EPHA5: variants seen among roughly 807,000 people sequenced by gnomAD.
The protein encoded by EPHA5 is ephrin type-A receptor 5.
EPHA5 carries 60 observed loss-of-function variants against 105.0 expected under a neutral mutation model. The observed-to-expected ratio is 0.57, with a 90% CI of 0.46 to 0.71. EPHA5 has a LOEUF of 0.71. Among genes scored for constraint, EPHA5 ranks in the 30% least tolerant of loss-of-function variants. The pLI is 0.00. For missense variants in EPHA5, 1,218 were observed against 1,274.7 expected, an observed-to-expected ratio of 0.96 and a Z score of 0.68; for synonymous variants, 513 against 449.1, an observed-to-expected ratio of 1.14 and a Z score of -1.80.
chr4:65,414,651 G>A (rs868233408), intron 6 of EPHA5, among the ~76,000 whole-genome samples: 1 of 152,130 alleles, frequency 6.6e-6, no homozygotes, highest in Non-Finnish European at 1.5e-5. Context: ...GGTGGTGGGT[G>A]ACATACTGTC....
At chr4:65,343,888 A>G (rs1051941055) in intron 14 of EPHA5, among the ~76,000 whole-genome samples, 4 of 152,166 alleles carry the variant, frequency 2.6e-5, no homozygotes, top group African/African-American at 9.7e-5. Context: ...CTGAAAGGTT[A>G]CATAAGCAAT....
chr4:65,485,114 C>G (rs1054106280), intron 5 of EPHA5, among the ~76,000 whole-genome samples: 2 of 151,554 alleles, frequency 1.3e-5, no homozygotes, highest in Non-Finnish European at 2.9e-5. Flanking sequence ...TAATAATGAA[C>G]ATATCCACTA....
rs1317298542 is a variant in EPHA5 at position 65,429,089 on chromosome 4, G to T, written c.1403-8524C>A. On this transcript the variant is annotated intron_variant, in intron 5 of 16. Transcript: ENST00000613740. Reference sequence around the variant, plus strand: ...ATTTTTAATACACGAAGAGTCCTAAGTGTCAATGATTATTTGATCTTAATA... The same window carrying T: ...ATTTTTAATACACGAAGAGTCCTAATTGTCAATGATTATTTGATCTTAATA... Among the ~76,000 whole-genome samples the T allele has an allele frequency of 5.9e-5, 9 of 152,054 alleles. No individual in the cohort carries two copies. In the East Asian group the frequency reaches 1.7e-3, roughly 29 times the overall value.
intron 5 of EPHA5, among the ~76,000 whole-genome samples, chr4:65,449,573 C>T (rs1726884083): frequency 1.3e-5 from 2 of 152,164 alleles, no homozygotes; most frequent in South Asian, 2.1e-4. Context: ...ATTCATATAA[C>T]AATTATATAG....
chr4:65,479,501 T>C (rs1286822067), intron 5 of EPHA5, among the ~76,000 whole-genome samples: 3 of 152,214 alleles, frequency 2.0e-5, no homozygotes, highest in African/African-American at 7.2e-5. Flanking sequence ...GTACCTTGTA[T>C]AGGGAAATGG....
At chr4:65,386,343 G>A (rs891408664) in intron 8 of EPHA5, among the ~76,000 whole-genome samples, 2 of 151,804 alleles carry the variant, frequency 1.3e-5, no homozygotes, top group Non-Finnish European at 2.9e-5. Flanking sequence ...AATAAGCAAC[G>A]ATGTTCTAGG....
chr4:65,425,143 C>T (rs1273921997), intron 5 of EPHA5, among the ~76,000 whole-genome samples: 1 of 152,082 alleles, frequency 6.6e-6, no homozygotes, highest in African/African-American at 2.4e-5. Context: ...GAAATCTTTT[C>T]AGTCTATGAC....
chr4:65,455,042 G>A (rs1012479776), intron 5 of EPHA5, among the ~76,000 whole-genome samples: 9 of 151,948 alleles, frequency 5.9e-5, no homozygotes, highest in African/African-American at 1.9e-4. Flanking sequence ...TCAGGAGATC[G>A]AGACCATGGT....
rs925672384 is a variant in EPHA5 at position 65,479,613 on chromosome 4, T to A, written c.1402+10764A>T. Among the ~76,000 whole-genome samples the A allele has an allele frequency of 4.6e-5, 7 of 152,282 alleles. No individual in the cohort carries two copies. In the East Asian group the frequency reaches 1.4e-3, roughly 29 times the overall value. On this transcript the variant is annotated intron_variant, in intron 5 of 16. Transcript: ENST00000613740. ...AAACATTGTGTATCCTCAATTAAAATGACTGTATCAGGGCTTTACACTGAA... is the reference window on the plus strand; with the variant it reads ...AAACATTGTGTATCCTCAATTAAAAAGACTGTATCAGGGCTTTACACTGAA...
At chr4:65,607,376 G>A (rs1744334208) in intron 2 of EPHA5, among the ~76,000 whole-genome samples, 1 of 152,004 alleles carries the variant, frequency 6.6e-6, no homozygotes, top group Non-Finnish European at 1.5e-5. Context: ...ACTATCATCG[G>A]AGTGAACAGG....
At chr4:65,482,306 A>T (rs1415827525) in intron 5 of EPHA5, among the ~76,000 whole-genome samples, 1 of 150,906 alleles carries the variant, frequency 6.6e-6, no homozygotes. Context: ...AAAAAAAAAA[A>T]CAACCTGTGA....
At chr4:65,463,951 A>C (rs1728362662) in intron 5 of EPHA5, among the ~76,000 whole-genome samples, 1 of 151,956 alleles carries the variant, frequency 6.6e-6, no homozygotes, top group South Asian at 2.1e-4. Flanking sequence ...TCTATCTAAA[A>C]ATTTTATTTT....
At chr4:65,392,245 A>G (rs1720788178) in intron 8 of EPHA5, among the ~76,000 whole-genome samples, 1 of 152,138 alleles carries the variant, frequency 6.6e-6, no homozygotes, top group East Asian at 1.9e-4. Flanking sequence ...TAGAAGAGAT[A>G]AAAACCCTCA....
At chr4:65,451,793 G>A (rs886616951) in intron 5 of EPHA5, among the ~76,000 whole-genome samples, 1 of 152,148 alleles carries the variant, frequency 6.6e-6, no homozygotes, top group African/African-American at 2.4e-5. Context: ...GTTTACGAAT[G>A]ATTGTGTGTT....
intron 5 of EPHA5, among the ~76,000 whole-genome samples, chr4:65,488,884 C>CTTTTT (rs1731133766): frequency 5.8e-5 from 2 of 34,270 alleles, no homozygotes; most frequent in South Asian, 1.7e-3. Context: ...CAGCTGCATG[C>CTTTTT]ATTTTTTTTT....
chr4:65,379,649 C>A (rs1035298198), intron 8 of EPHA5, among the ~76,000 whole-genome samples: 3 of 151,618 alleles, frequency 2.0e-5, no homozygotes, highest in Non-Finnish European at 3.0e-5. Flanking sequence ...TTAATTTTAT[C>A]ATAATCGATG....
At chr4:65,436,757 CAT>C (rs1483458857) in intron 5 of EPHA5, among the ~76,000 whole-genome samples, 8 of 151,998 alleles carry the variant, frequency 5.3e-5, no homozygotes, top group Admixed American at 1.3e-4. Context: ...ACTATTTACA[CAT>C]GAGACCACTT....
At chr4:65,625,132 CATATG>C (rs1305347478) in intron 2 of EPHA5, among the ~76,000 whole-genome samples, 2 of 151,954 alleles carry the variant, frequency 1.3e-5, no homozygotes, top group African/African-American at 2.4e-5. Context: ...TAAGTTATCT[CATATG>C]ATATAACATA....
At chr4:65,413,503 G>A (rs956937081) in intron 7 of EPHA5, among the ~76,000 whole-genome samples, 1 of 151,448 alleles carries the variant, frequency 6.6e-6, no homozygotes, top group Non-Finnish European at 1.5e-5. Flanking sequence ...ATTGATTTTT[G>A]AAAAAAGGAA....
Sources: allele counts gnomAD v4.1 joint callset (sites outside exome capture counted in the v4.1 genomes callset), GRCh38; gene constraint gnomAD v4.1.1; transcripts MANE v1.5; gene names NCBI Gene and HGNC (gene_info 2026-07-23, HGNC 2026-07-21).